The following PLOD2 variants were observed in gnomAD, a reference collection of about 807,000 sequenced individuals.
The protein encoded by PLOD2 is lysine hydroxylase 2.
A neutral mutation model predicts 101.0 loss-of-function variants in PLOD2; 65 were observed. The observed-to-expected ratio is 0.64, with a 90% CI of 0.53 to 0.79. The LOEUF (loss-of-function observed/expected upper bound fraction) is 0.79. PLOD2 is among the 30% of genes least tolerant of loss of function. The pLI, the probability that PLOD2 is intolerant of heterozygous loss-of-function variation, is 0.00. For missense variants in PLOD2, 909 were observed against 914.6 expected (o/e 0.99, Z 0.08); for synonymous variants, 314 against 302.9 (o/e 1.04, Z -0.38).
At chr3:146,085,526 A>G in intron 10 of PLOD2, 1 of 520,598 alleles carries the variant, frequency 1.9e-6, no homozygotes, top group South Asian at 2.9e-5. Flanking sequence ...AAGCCAGTAA[A>G]TATTTTAAGG....
chr3:146,134,451 G>T (rs1248258784), intron 1 of PLOD2, among the ~76,000 whole-genome samples: 1 of 152,138 alleles, frequency 6.6e-6, no homozygotes, highest in Non-Finnish European at 1.5e-5. Flanking sequence ...TTAATCTGCT[G>T]AATTCCAAGG....
chr3:146,096,927 C>T (rs1937198707), intron 7 of PLOD2, among the ~76,000 whole-genome samples: 1 of 133,698 alleles, frequency 7.5e-6, no homozygotes, highest in African/African-American at 2.9e-5. Context: ...GTGAGGGGCG[C>T]CTCTGCCCGG....
At chr3:146,154,030 CAA>C (rs1442863619) in intron 1 of PLOD2, among the ~76,000 whole-genome samples, 1 of 151,960 alleles carries the variant, frequency 6.6e-6, no homozygotes, top group Non-Finnish European at 1.5e-5. Context: ...CTTATGCACA[CAA>C]GATAATAAAA....
At chr3:146,084,347 T>C (rs1204422939) in intron 11 of PLOD2, among the ~76,000 whole-genome samples, 1 of 151,886 alleles carries the variant, frequency 6.6e-6, no homozygotes, top group East Asian at 1.9e-4. Flanking sequence ...AACTAAATTC[T>C]CAAATTTACA....
intron 3 of PLOD2, 131 bp downstream of exon 3, chr3:146,120,981 A>T: frequency 1.4e-6 from 1 of 731,674 alleles, no homozygotes; most frequent in Non-Finnish European, 2.4e-6. Context: ...TAGGCCTCCC[A>T]AAGTGCTAGG....
At chr3:146,121,331 T>G in intron 2 of PLOD2, 83 bp from the exon 3 acceptor site, 1 of 1,106,392 alleles carries the variant, frequency 9.0e-7, no homozygotes, top group Non-Finnish European at 1.4e-6. Context: ...ATCATCAACT[T>G]GAACAGTACT....
chr3:146,124,326 G>C (rs2030409741), intron 1 of PLOD2, 97 bp from the exon 2 acceptor site: 1 of 707,410 alleles, frequency 1.4e-6, no homozygotes, highest in Non-Finnish European at 2.5e-6. Flanking sequence ...CTAAACCCGT[G>C]GGAATATTCT....
At chr3:146,091,330 C>G (rs1490796961) in intron 8 of PLOD2, among the ~76,000 whole-genome samples, 2 of 151,840 alleles carry the variant, frequency 1.3e-5, no homozygotes, top group Non-Finnish European at 2.9e-5. Context: ...GTCAATTGTA[C>G]TACCTATTTT....
chr3:146,079,167 A>G lies in PLOD2; in HGVS notation c.1449T>C (p.Val483=), dbSNP rs758926734. The change falls in exon 13 of 20, where the codon GTT becomes GTC. Residue 483 remains valine (V), a synonymous_variant. Transcript: ENST00000282903. The part of the protein sequence containing the change: ...RSEMNERNYF[V]RDKLDPDMAL... ...CCATATCAGGATCCAGTTTATCACG[A>G]ACAAAATAGTTCCTTTCATTCATCT... 3 of 1,612,900 alleles carry G rather than the reference A, an allele frequency of 1.9e-6. No individual in the cohort carries two copies. Among genetic ancestry groups the G allele is most frequent in the South Asian group, 2.2e-5 (2 of 91,064 alleles).
At chr3:146,085,738 G>A (rs1342984830) in intron 10 of PLOD2, 1 of 163,800 alleles carries the variant, frequency 6.1e-6, no homozygotes, top group African/African-American at 2.4e-5. Context: ...CTTCTTACCA[G>A]GGGCAGTGAC....
intron 1 of PLOD2, among the ~76,000 whole-genome samples, chr3:146,151,480 AG>A (rs2032051974): frequency 6.6e-6 from 1 of 152,122 alleles, no homozygotes; most frequent in African/African-American, 2.4e-5. Context: ...CTGGACAAGA[AG>A]AACGAAACTC....
chr3:146,112,499 T>C (rs1481088404), intron 3 of PLOD2, among the ~76,000 whole-genome samples: 1 of 151,578 alleles, frequency 6.6e-6, no homozygotes, highest in Non-Finnish European at 1.5e-5. Flanking sequence ...AGTTTGTCGG[T>C]GGGCGGGGGG....
chr3:146,130,051 T>C (rs2030817816), intron 1 of PLOD2, among the ~76,000 whole-genome samples: 1 of 152,158 alleles, frequency 6.6e-6, no homozygotes, highest in Non-Finnish European at 1.5e-5. Flanking sequence ...TACCACAATG[T>C]GGTCCTAGGT....
chr3:146,131,813 C>T (rs2030927650), intron 1 of PLOD2, among the ~76,000 whole-genome samples: 2 of 152,008 alleles, frequency 1.3e-5, no homozygotes, highest in Admixed American at 1.3e-4. Context: ...ACTGAAGGCA[C>T]GAAGTCTAAT....
At chr3:146,099,826 CAT>C (rs1435819144) in intron 7 of PLOD2, among the ~76,000 whole-genome samples, 1 of 150,960 alleles carries the variant, frequency 6.6e-6, no homozygotes, top group African/African-American at 2.4e-5. Flanking sequence ...ACTACACACA[CAT>C]AGTAAAGGGA....
In PLOD2 at chr3:146,095,376, CA is replaced by C. The variant is rs1274922345; in HGVS notation, c.778-3476del. Among the ~76,000 whole-genome samples, 5 of 144,522 alleles carry C rather than the reference CA, an allele frequency of 3.5e-5. No homozygotes were observed. In the East Asian group the frequency reaches 1.0e-3, roughly 29 times the overall value. 94.8% of individuals were successfully genotyped at this position (144,522 alleles called of 152,430 possible). On this transcript the variant is annotated intron_variant, in intron 7 of 19. Coordinates refer to ENST00000282903, the MANE Select transcript of PLOD2 (RefSeq NM_182943.3). The stretch of plus-strand genomic sequence containing the variant: ...AAATTTACAAGAAAAAAAAAAAAAC[CA>C]CTCCATCAAAAAGTGGTCGAAGGAT...
intron 1 of PLOD2, among the ~76,000 whole-genome samples, chr3:146,133,199 C>T (rs1465488163): frequency 1.3e-5 from 2 of 151,980 alleles, no homozygotes; most frequent in Non-Finnish European, 2.9e-5. Context: ...TAAAAGGCTC[C>T]ATTTTCCTAG....
At chr3:146,136,453 T>C (rs946150723) in intron 1 of PLOD2, among the ~76,000 whole-genome samples, 11 of 152,212 alleles carry the variant, frequency 7.2e-5, no homozygotes, top group African/African-American at 2.7e-4. Context: ...AAACATTATA[T>C]AATATTGCAT....
intron 1 of PLOD2, among the ~76,000 whole-genome samples, chr3:146,149,065 C>G (rs928444234): frequency 6.6e-6 from 1 of 152,206 alleles, no homozygotes; most frequent in Non-Finnish European, 1.5e-5. Context: ...CATAATTTCC[C>G]TTGCCAGCAC....
Sources: gnomAD v4.1 joint callset for allele counts (sites outside exome capture counted in the v4.1 genomes callset) on GRCh38, gnomAD v4.1.1 for gene constraint, MANE v1.5 for transcripts, NCBI Gene and HGNC (gene_info 2026-07-23, HGNC 2026-07-21) for gene names.